KCNC2: variants seen among roughly 807,000 people sequenced by gnomAD.
KCNC2 encodes the protein voltage-gated potassium channel KCNC2.
A neutral mutation model predicts 44.5 loss-of-function variants in KCNC2; 21 were observed. The observed-to-expected ratio is 0.47, with a 90% CI of 0.33 to 0.68. The LOEUF is 0.68. Among genes scored for constraint, KCNC2 ranks in the 30% least tolerant of loss-of-function variants. The pLI, the probability that KCNC2 is intolerant of heterozygous loss-of-function variation, is 0.01. For missense variants in KCNC2, 589 were observed against 826.2 expected, an observed-to-expected ratio of 0.71 and a Z score of 3.52; for synonymous variants, 391 against 339.1, an observed-to-expected ratio of 1.15 and a Z score of -1.68.
At chr12:75,123,614 T>C (rs1440778286) in intron 2 of KCNC2, among the ~76,000 whole-genome samples, 2 of 152,156 alleles carry the variant, frequency 1.3e-5, no homozygotes, top group African/African-American at 2.4e-5. Flanking sequence ...AGGACAAACT[T>C]TATCGTCCTG....
chr12:75,208,826 A>G (rs531328463), intron 1 of KCNC2, among the ~76,000 whole-genome samples: 4 of 152,068 alleles, frequency 2.6e-5, no homozygotes, highest in African/African-American at 9.7e-5. Flanking sequence ...TATTATTATT[A>G]TTGTTGTTGA....
intron 2 of KCNC2, among the ~76,000 whole-genome samples, chr12:75,109,455 G>T (rs138443577): frequency 7.9e-5 from 12 of 152,274 alleles, no homozygotes; most frequent in Non-Finnish European, 1.3e-4. Context: ...AATTTAGGGA[G>T]CTCATGGTTA....
rs1156924279 is a variant in KCNC2 at position 75,071,933 on chromosome 12, T to A, written c.688-20616A>T. On this transcript the variant is annotated intron_variant, in intron 2 of 4. Transcript: ENST00000549446. ...AGCCTGGGCGACAGAGCGAGACTCCTTCTCAAAAAAAAAAAAAAAAAAAAA... is the reference window on the plus strand; with the variant it reads ...AGCCTGGGCGACAGAGCGAGACTCCATCTCAAAAAAAAAAAAAAAAAAAAA... 2.7e-4 allele frequency among the ~76,000 whole-genome samples: 13 copies of A among 48,634 alleles called. No individual in the cohort carries two copies. In the Admixed American group the frequency reaches 2.8e-3, roughly 11 times the overall value. The allele number at this position is 48,634 out of a possible 152,430, so 31.9% of individuals were successfully genotyped here.
intron 2 of KCNC2, among the ~76,000 whole-genome samples, chr12:75,162,419 TCTC>T (rs1038908820): frequency 1.3e-5 from 2 of 151,704 alleles, no homozygotes; most frequent in African/African-American, 4.8e-5. Flanking sequence ...CAGCTCAGGG[TCTC>T]CTCAGGTTTG....
intron 2 of KCNC2, among the ~76,000 whole-genome samples, chr12:75,053,804 A>C (rs969787078): frequency 1.4e-5 from 2 of 147,766 alleles, no homozygotes; most frequent in Admixed American, 6.8e-5. Context: ...AACATATATA[A>C]ATATATATAG....
chr12:75,043,024 A>G lies in KCNC2; in HGVS notation c.*81T>C. On this transcript the variant is annotated 3_prime_UTR_variant, in exon 5 of 5. Transcript: ENST00000549446. Reference sequence around the variant, plus strand: ...TATTAATGGAGCCTGGAGTAACTCTACATTTAATTATTTCCATTATGGGGT... The same window carrying G: ...TATTAATGGAGCCTGGAGTAACTCTGCATTTAATTATTTCCATTATGGGGT... The G allele has an allele frequency of 1.9e-6, 3 of 1,577,464 alleles. No individual in the cohort carries two copies. The highest frequency in any genetic ancestry group is 2.6e-6 in the Non-Finnish European group (3 of 1,162,240).
chr12:75,078,959 G>C (rs546219823), intron 2 of KCNC2, among the ~76,000 whole-genome samples: 1 of 152,034 alleles, frequency 6.6e-6, no homozygotes, highest in Non-Finnish European at 1.5e-5. Context: ...TTTAAGGTAA[G>C]GACAGAGAGA....
At chr12:75,066,552 T>G (rs1882851206) in intron 2 of KCNC2, among the ~76,000 whole-genome samples, 1 of 152,230 alleles carries the variant, frequency 6.6e-6, no homozygotes, top group African/African-American at 2.4e-5. Context: ...AATAGCACTT[T>G]CCTACTACTG....
chr12:75,093,975 A>C lies in KCNC2; in HGVS notation c.688-42658T>G, dbSNP rs145400508. ...TTACTTTTGCACCAACCTAATAATA[A>C]TGCATAGGCTCGGAACAGTACTTTA... On this transcript the variant is annotated intron_variant, in intron 2 of 4. Transcript: ENST00000549446. Among the ~76,000 whole-genome samples the C allele has an allele frequency of 2.0e-3, 309 of 151,864 alleles. 1 individual carries two copies. Among genetic ancestry groups the C allele is most frequent in the African/African-American group, 7.0e-3 (292 of 41,542 alleles).
intron 2 of KCNC2, among the ~76,000 whole-genome samples, chr12:75,099,517 A>T (rs572976882): frequency 1.3e-5 from 2 of 152,198 alleles, no homozygotes; most frequent in South Asian, 4.1e-4. Context: ...CATACAGAAA[A>T]CTTCTGACTA....
chr12:75,191,197 A>T (rs2030174428), intron 2 of KCNC2, among the ~76,000 whole-genome samples: 1 of 151,866 alleles, frequency 6.6e-6, no homozygotes, highest in Non-Finnish European at 1.5e-5. Flanking sequence ...CTAAAACCAG[A>T]TTTAAACAAA....
At chr12:75,152,232 A>G (rs895712311) in intron 2 of KCNC2, among the ~76,000 whole-genome samples, 2 of 150,926 alleles carry the variant, frequency 1.3e-5, no homozygotes, top group Admixed American at 1.3e-4. Flanking sequence ...CCCAAGCAGA[A>G]TTAATAAAAA....
chr12:75,117,111 G>A (rs1368668978), intron 2 of KCNC2, among the ~76,000 whole-genome samples: 3 of 152,018 alleles, frequency 2.0e-5, no homozygotes, highest in East Asian at 3.8e-4. Context: ...AAAGGAAAGA[G>A]AAGACAAAAA....
At chr12:75,071,055 T>C (rs1439984891) in intron 2 of KCNC2, among the ~76,000 whole-genome samples, 1 of 152,222 alleles carries the variant, frequency 6.6e-6, no homozygotes, top group African/African-American at 2.4e-5. Context: ...AAAGTATATT[T>C]TGCAGGATTG....
At chr12:75,087,179 T>A (rs1233579646) in intron 2 of KCNC2, among the ~76,000 whole-genome samples, 2 of 152,122 alleles carry the variant, frequency 1.3e-5, no homozygotes, top group African/African-American at 4.8e-5. Flanking sequence ...ACTGTTCCTA[T>A]AAGCCAAATG....
chr12:75,048,342 A>T, intron 3 of KCNC2, 25 bp from the exon 4 acceptor site: 2 of 1,582,990 alleles, frequency 1.3e-6, no homozygotes, highest in Non-Finnish European at 1.7e-6. Context: ...ATGCCCATTG[A>T]CAGACAGTGA....
In KCNC2 at chr12:75,111,240, C is replaced by T. The variant is rs544557431; in HGVS notation, c.688-59923G>A. 2.6e-5 allele frequency among the ~76,000 whole-genome samples: 4 copies of T among 152,298 alleles called. No homozygotes were observed. The South Asian group carries it at 6.2e-4, about 24-fold the overall frequency. The stretch of plus-strand genomic sequence containing the variant: ...TGTTAGAGTGCATGTATTCTTCACC[C>T]TCCCTTCATCCTCTTCTAGTCTGTA... On this transcript the variant is annotated intron_variant, in intron 2 of 4. Coordinates refer to ENST00000549446, the MANE Select transcript of KCNC2 (RefSeq NM_139137.4).
chr12:75,137,424 T>C (rs1248358248), intron 2 of KCNC2, among the ~76,000 whole-genome samples: 1 of 152,192 alleles, frequency 6.6e-6, no homozygotes, highest in Admixed American at 6.5e-5. Flanking sequence ...TGTATATATG[T>C]ATACATATTT....
intron 2 of KCNC2, among the ~76,000 whole-genome samples, chr12:75,107,502 A>T (rs1029342978): frequency 3.9e-5 from 6 of 152,198 alleles, no homozygotes; most frequent in African/African-American, 1.4e-4. Flanking sequence ...GTCAGAAAAG[A>T]TTTCTCGAAG....
Sources: allele counts gnomAD v4.1 joint callset (sites outside exome capture counted in the v4.1 genomes callset), GRCh38; gene constraint gnomAD v4.1.1; transcripts MANE v1.5; gene names NCBI Gene and HGNC (gene_info 2026-07-23, HGNC 2026-07-21).